Variants in SEMA6D observed in about 807,000 individuals in gnomAD.
SEMA6D encodes semaphorin 6D, also known as semaphorin-6D.
SEMA6D carries 35 observed loss-of-function variants against 106.6 expected under a neutral mutation model. The observed-to-expected ratio is 0.33, with a 90% CI of 0.25 to 0.44. The LOEUF is 0.44. SEMA6D is among the 20% of genes least tolerant of loss of function. The probability of loss-of-function intolerance (pLI) is 1.00; values close to 1 mark genes in which losing one functional copy is unlikely to be tolerated. For synonymous variants in SEMA6D, 499 were observed against 487.7 expected (o/e 1.02, Z -0.31); for missense variants, 1,185 against 1,345.9 (o/e 0.88, Z 1.87).
At chr15:47,349,377 C>G (rs528900535) in intron 1 of SEMA6D, among the ~76,000 whole-genome samples, 1 of 152,276 alleles carries the variant, frequency 6.6e-6, no homozygotes, top group East Asian at 1.9e-4. Flanking sequence ...GTTCGTCCTT[C>G]ATGACTCTAC....
At chr15:47,481,673 T>C (rs781062522) in intron 3 of SEMA6D, among the ~76,000 whole-genome samples, 1 of 152,204 alleles carries the variant, frequency 6.6e-6, no homozygotes, top group Non-Finnish European at 1.5e-5. Flanking sequence ...ACTGCAGTGC[T>C]CTGAACAGGA....
intron 3 of SEMA6D, among the ~76,000 whole-genome samples, chr15:47,589,941 T>A (rs754193683): frequency 6.6e-6 from 1 of 152,230 alleles, no homozygotes; most frequent in Non-Finnish European, 1.5e-5. Flanking sequence ...TTTGGGTTGA[T>A]TGGGTTCAGT....
chr15:47,239,564 G>C (rs541880575), intron 1 of SEMA6D, among the ~76,000 whole-genome samples: 2 of 152,266 alleles, frequency 1.3e-5, no homozygotes, highest in Admixed American at 6.5e-5. Context: ...GAAACATGAA[G>C]ATCTGGAAAG....
In SEMA6D at chr15:47,466,814, C is replaced by A. The variant is rs186918313; in HGVS notation, c.-158-3660C>A. Among the ~76,000 whole-genome samples the A allele has an allele frequency of 2.8e-3, 429 of 151,414 alleles. 2 individuals carry two copies. Among genetic ancestry groups the A allele is most frequent in the African/African-American group, 9.9e-3 (409 of 41,304 alleles). On this transcript the variant is annotated intron_variant, in intron 2 of 19. Transcript: ENST00000558014. ...TGATCTCGGCTCACTGCAACCTCCA[C>A]CTCCCAGGTTCAAGTGATTCTCCTG...
At chr15:47,650,372 C>T (rs1596533244) in intron 4 of SEMA6D, among the ~76,000 whole-genome samples, 1 of 152,318 alleles carries the variant, frequency 6.6e-6, no homozygotes, top group Non-Finnish European at 1.5e-5. Context: ...ACCGCTATAA[C>T]TATGTGGGAA....
chr15:47,312,827 T>A (rs1030933764), intron 1 of SEMA6D, among the ~76,000 whole-genome samples: 1 of 152,102 alleles, frequency 6.6e-6, no homozygotes, highest in African/African-American at 2.4e-5. Flanking sequence ...ATCCAAAGAC[T>A]TTTTTTATAA....
At chr15:47,422,172 G>A (rs1047617901) in intron 2 of SEMA6D, among the ~76,000 whole-genome samples, 1 of 80,430 alleles carries the variant, frequency 1.2e-5, no homozygotes, top group Non-Finnish European at 2.8e-5. Flanking sequence ...TTGCCCGCCC[G>A]CCTGCCTGCC....
intron 3 of SEMA6D, among the ~76,000 whole-genome samples, chr15:47,586,247 A>G (rs947944837): frequency 2.0e-5 from 3 of 152,182 alleles, no homozygotes; most frequent in African/African-American, 4.8e-5. Context: ...TAGTGTACAA[A>G]CAGTGCTTAG....
chr15:47,188,904 A>G lies in SEMA6D; in HGVS notation c.-239+4486A>G, dbSNP rs563861911. On this transcript the variant is annotated intron_variant, in intron 1 of 19. Transcript: ENST00000558014. ...TGGAGAAGCCATAAACTCCTAAGGA[A>G]TTAGCTCAAAGTAAGTCAACATGTG... Among the ~76,000 whole-genome samples, 12 of 152,318 alleles carry G rather than the reference A, an allele frequency of 7.9e-5. No homozygotes were observed. The East Asian group carries it at 2.3e-3, about 29-fold the overall frequency.
intron 1 of SEMA6D, among the ~76,000 whole-genome samples, chr15:47,262,900 T>C (rs2034144198): frequency 6.6e-6 from 1 of 152,080 alleles, no homozygotes; most frequent in East Asian, 1.9e-4. Flanking sequence ...GTCATACACC[T>C]ACAACTATCT....
chr15:47,322,994 C>A (rs1452684490), intron 1 of SEMA6D, among the ~76,000 whole-genome samples: 1 of 152,162 alleles, frequency 6.6e-6, no homozygotes, highest in Non-Finnish European at 1.5e-5. Flanking sequence ...ATGTATCTAC[C>A]TACCCACCTA....
At chr15:47,668,669 G>A (rs1434516752) in intron 4 of SEMA6D, among the ~76,000 whole-genome samples, 1 of 152,136 alleles carries the variant, frequency 6.6e-6, no homozygotes, top group East Asian at 1.9e-4. Context: ...CCCTGACCTA[G>A]CGAATGGTCC....
intron 1 of SEMA6D, among the ~76,000 whole-genome samples, chr15:47,748,666 T>C (rs2081270445): frequency 6.6e-6 from 1 of 152,152 alleles, no homozygotes; most frequent in Admixed American, 6.5e-5. Flanking sequence ...AAGACACTGC[T>C]TAGGGATCCA....
chr15:47,746,104 T>C (rs1340638717), intron 1 of SEMA6D, among the ~76,000 whole-genome samples: 1 of 152,300 alleles, frequency 6.6e-6, no homozygotes, highest in South Asian at 2.1e-4. Context: ...ACAAAGGCCT[T>C]ATTTTTGGTG....
intron 4 of SEMA6D, among the ~76,000 whole-genome samples, chr15:47,665,625 C>A (rs2078010652): frequency 6.6e-6 from 1 of 152,150 alleles, no homozygotes; most frequent in Admixed American, 6.5e-5. Context: ...TCCTGGCCAA[C>A]ATGGTGAAAT....
chr15:47,528,786 C>T (rs1029951167), intron 3 of SEMA6D, among the ~76,000 whole-genome samples: 6 of 152,192 alleles, frequency 3.9e-5, no homozygotes, highest in African/African-American at 9.6e-5. Flanking sequence ...TTTGAAAATA[C>T]ATACAGTTGA....
chr15:47,485,695 A>G (rs1212863450), intron 3 of SEMA6D, among the ~76,000 whole-genome samples: 1 of 152,168 alleles, frequency 6.6e-6, no homozygotes, highest in African/African-American at 2.4e-5. Flanking sequence ...GCTAGCCTGT[A>G]ACTCTCACAA....
At chr15:47,568,917 A>G (rs2046305194) in intron 3 of SEMA6D, among the ~76,000 whole-genome samples, 1 of 152,126 alleles carries the variant, frequency 6.6e-6, no homozygotes, top group African/African-American at 2.4e-5. Flanking sequence ...GCCATCATTA[A>G]TTCTCCACTA....
At chr15:47,730,085 A>G in intron 1 of SEMA6D, 1 of 768,420 alleles carries the variant, frequency 1.3e-6, no homozygotes, top group Non-Finnish European at 2.1e-6. Flanking sequence ...TTAGTTTTGA[A>G]GGAAAATTTA....
Sources: gnomAD v4.1 joint callset for allele counts (sites outside exome capture counted in the v4.1 genomes callset) on GRCh38, gnomAD v4.1.1 for gene constraint, MANE v1.5 for transcripts, NCBI Gene and HGNC (gene_info 2026-07-23, HGNC 2026-07-21) for gene names.